The following NISCH variants were observed in gnomAD, a reference collection of about 807,000 sequenced individuals.
NISCH encodes the protein nischarin.
A neutral mutation model predicts 138.4 loss-of-function variants in NISCH; 55 were observed. The observed-to-expected ratio is 0.40, with a 90% CI of 0.32 to 0.50. The LOEUF (loss-of-function observed/expected upper bound fraction) is 0.50. NISCH is among the 20% of genes least tolerant of loss of function. NISCH has a pLI of 0.71. For synonymous variants in NISCH, 860 were observed against 861.5 expected, an observed-to-expected ratio of 1.00 and a Z score of 0.03; for missense variants, 1,643 against 2,005.5, an observed-to-expected ratio of 0.82 and a Z score of 3.45.
chr3:52,465,702 T>A (rs1706762872), intron 3 of NISCH, among the ~76,000 whole-genome samples: 1 of 152,152 alleles, frequency 6.6e-6, no homozygotes, highest in African/African-American at 2.4e-5. Flanking sequence ...GACCTCCAAC[T>A]GTGGTGGACT....
intron 4 of NISCH, chr3:52,471,313 T>G: frequency 3.5e-6 from 1 of 285,220 alleles, no homozygotes; most frequent in Non-Finnish European, 6.7e-6. Context: ...TAGGGAAGGA[T>G]ACGGGGTCAG....
intron 11 of NISCH, 68 bp from the exon 12 acceptor site, chr3:52,479,681 A>C (rs900321376): frequency 3.5e-6 from 4 of 1,131,540 alleles, no homozygotes; most frequent in Non-Finnish European, 5.1e-6. Flanking sequence ...GCTGATAGCC[A>C]TCACCAGTCC....
intron 3 of NISCH, among the ~76,000 whole-genome samples, chr3:52,460,816 T>C (rs1457564810): frequency 6.6e-6 from 1 of 152,198 alleles, no homozygotes; most frequent in African/African-American, 2.4e-5. Context: ...GAGTGATAGA[T>C]TTTCAGATAA....
Position 52,478,579 on chromosome 3 carries a change from TGAGCCCCAGCACAGTCAGAA to T in NISCH, c.1302+9_1302+28del. 6.2e-7 allele frequency: 1 copy of T among 1,613,880 alleles called. No homozygotes were observed. Among genetic ancestry groups the T allele is most frequent in the Non-Finnish European group, 8.5e-7 (1 of 1,179,950 alleles). The stretch of plus-strand genomic sequence containing the variant: ...CAGTTCGGAGAGAGGGCCTCAGAGG[TGAGCCCCAGCACAGTCAGAA>T]GAGCCCAGGGAGACCTTCGGGATGC... On this transcript the variant is annotated splice_donor_5th_base_variant and intron_variant, in intron 11 of 20. Coordinates refer to ENST00000345716, the MANE Select transcript of NISCH (RefSeq NM_007184.4).
Position 52,486,367 on chromosome 3 carries a change from C to T in NISCH, c.1703+540C>T, listed in dbSNP as rs72947516. On this transcript the variant is annotated intron_variant, in intron 15 of 20. Transcript: ENST00000345716. ...CTGAACTCCAGTGATCCACCAACCT[C>T]GGCCTCCTAAAGTACTGGAATTACA... 323 of 152,928 alleles carry T rather than the reference C, an allele frequency of 2.1e-3. 2 individuals carry two copies. The highest frequency in any genetic ancestry group is 7.2e-3 in the African/African-American group (298 of 41,564). 9.5% of individuals were successfully genotyped at this position (152,928 alleles called of 1,614,324 possible). A position where few individuals can be genotyped will look rare whatever the true frequency, so the allele number is the denominator to read the frequency against.
chr3:52,465,163 T>C (rs1292493931), intron 3 of NISCH, among the ~76,000 whole-genome samples: 1 of 152,238 alleles, frequency 6.6e-6, no homozygotes, highest in Non-Finnish European at 1.5e-5. Context: ...AGGGTCTTGC[T>C]CTATTGCCTA....
intron 12 of NISCH, 133 bp from the exon 13 acceptor site, chr3:52,480,051 C>A: frequency 9.3e-7 from 1 of 1,080,456 alleles, no homozygotes; most frequent in Non-Finnish European, 1.4e-6. Flanking sequence ...GTAGTTCCTG[C>A]TCTAAGGATA....
chr3:52,488,269 C>T lies in NISCH; in HGVS notation c.2777C>T (p.Pro926Leu), dbSNP rs1238641860. 4 of 1,610,394 alleles carry T rather than the reference C, an allele frequency of 2.5e-6. No homozygotes were observed. Among genetic ancestry groups the T allele is most frequent in the Non-Finnish European group, 3.4e-6 (4 of 1,180,002 alleles). The part of the protein sequence containing the change: ...HLNVIKADFN[P>L]MPNRGTHNCR... ...AACGTCATCAAGGCCGACTTCAACC[C>T]CATGCCCAACCGTGGCACCCACAAC... The change falls in exon 16 of 21, where the codon CCC becomes CTC. Residue 926 changes from proline to leucine, a missense_variant. Pro to Leu is a moderately conservative substitution (Grantham distance 98). Coordinates refer to ENST00000345716, the MANE Select transcript of NISCH (RefSeq NM_007184.4).
intron 1 of NISCH, among the ~76,000 whole-genome samples, chr3:52,457,642 G>GC (rs1706512037): frequency 6.6e-6 from 1 of 152,226 alleles, no homozygotes; most frequent in Admixed American, 6.5e-5. Flanking sequence ...GCTGAGAGGG[G>GC]CCCTGCTGGT....
At chr3:52,482,285 G>T (rs187673035) in intron 13 of NISCH, among the ~76,000 whole-genome samples, 1 of 152,178 alleles carries the variant, frequency 6.6e-6, no homozygotes, top group African/African-American at 2.4e-5. Context: ...GCCTGCTTGC[G>T]AAGGAACTGG....
rs199664190 is a variant in NISCH at position 52,485,843 on chromosome 3, G to A, written c.1703+16G>A. ...GTGGTGCAAGGTAAGGAAGAGGTTG[G>A]AAAGGGACCTGGGCCTGGCCACACA... On this transcript the variant is annotated intron_variant, in intron 15 of 20. Transcript: ENST00000345716. 10 of 1,571,224 alleles carry A rather than the reference G, an allele frequency of 6.4e-6. No homozygotes were observed. The highest frequency in any genetic ancestry group is 1.7e-4 in the Middle Eastern group (1 of 6,018).
At chr3:52,483,567 G>A (rs532835132) in intron 13 of NISCH, among the ~76,000 whole-genome samples, 9 of 152,364 alleles carry the variant, frequency 5.9e-5, no homozygotes, top group East Asian at 5.8e-4. Context: ...TTTACGGGAC[G>A]CAGTGGGTCA....
At position 52,492,805 on chromosome 3, in the gene NISCH, TG is replaced by T; in HGVS notation, c.*324del. 2.7e-6 allele frequency: 1 copy of T among 370,020 alleles called. No individual in the cohort carries two copies. Among genetic ancestry groups the T allele is most frequent in the Non-Finnish European group, 4.9e-6 (1 of 203,082 alleles). 22.9% of individuals were successfully genotyped at this position (370,020 alleles called of 1,614,324 possible). ...ACTTTCTCTTCTACACGTCCTTTCC[TG>T]AAGTGTCGAGTCCAGTCCTTTGTTG... is the stretch of plus-strand genomic sequence containing the variant. On this transcript the variant is annotated 3_prime_UTR_variant, in exon 21 of 21. Coordinates refer to ENST00000345716, the MANE Select transcript of NISCH (RefSeq NM_007184.4).
chr3:52,469,007 T>C (rs912227144), intron 3 of NISCH, among the ~76,000 whole-genome samples: 1 of 152,226 alleles, frequency 6.6e-6, no homozygotes, highest in Non-Finnish European at 1.5e-5. Flanking sequence ...AGGAAATGTT[T>C]ACAACATATA....
At chr3:52,461,857 C>T (rs1312716770) in intron 3 of NISCH, among the ~76,000 whole-genome samples, 3 of 145,536 alleles carry the variant, frequency 2.1e-5, no homozygotes, top group African/African-American at 5.1e-5. Context: ...AGCAAGACTC[C>T]GTCACAAAAA....
intron 3 of NISCH, among the ~76,000 whole-genome samples, chr3:52,464,136 G>A (rs773767764): frequency 4.4e-4 from 67 of 152,008 alleles, no homozygotes; most frequent in Middle Eastern, 3.4e-3. Context: ...GGTGGCTCAT[G>A]CCTGTAATCC....
intron 9 of NISCH, 72 bp downstream of exon 9, chr3:52,477,714 C>T (rs1412846829): frequency 1.0e-5 from 14 of 1,340,204 alleles, no homozygotes; most frequent in East Asian, 9.2e-5. Flanking sequence ...AGGAGACTGA[C>T]GCAGCCTTGG....
intron 14 of NISCH, 45 bp from the exon 15 acceptor site, chr3:52,485,733 C>A: frequency 1.9e-6 from 3 of 1,553,948 alleles, no homozygotes; most frequent in Non-Finnish European, 2.6e-6. Flanking sequence ...ATGGCTGGGG[C>A]TGGCTGCAGT....
At chr3:52,490,949 C>T (rs1372781983) in intron 19 of NISCH, 116 bp downstream of exon 19, 8 of 1,417,540 alleles carry the variant, frequency 5.6e-6, no homozygotes, top group South Asian at 1.3e-5. Flanking sequence ...GCTCAAGAGC[C>T]ACTTCTTAAC....
Sources: gnomAD v4.1 joint callset for allele counts (sites outside exome capture counted in the v4.1 genomes callset) on GRCh38, gnomAD v4.1.1 for gene constraint, MANE v1.5 for transcripts, NCBI Gene and HGNC (gene_info 2026-07-23, HGNC 2026-07-21) for gene names.